The following SRGAP2 variants were observed in gnomAD, a reference collection of about 807,000 sequenced individuals.
SRGAP2 encodes the protein SLIT-ROBO Rho GTPase activating protein 2.
SRGAP2 carries 15 observed loss-of-function variants against 57.2 expected under a neutral mutation model. The observed-to-expected ratio is 0.26, with a 90% confidence interval of 0.18 to 0.40. The LOEUF is 0.40. Ranked by LOEUF, SRGAP2 falls within the 10% of genes least tolerant of loss-of-function variation. The probability of loss-of-function intolerance (pLI) is 1.00; values close to 1 mark genes in which losing one functional copy is unlikely to be tolerated. For missense variants in SRGAP2, 520 were observed against 669.6 expected (o/e 0.78, Z 2.47); for synonymous variants, 249 against 248.0 (o/e 1.00, Z -0.04).
chr1:206,305,225 C>T (rs1364230102), intron 3 of SRGAP2, among the ~76,000 whole-genome samples: 2 of 136,524 alleles, frequency 1.5e-5, no homozygotes, highest in African/African-American at 6.1e-5. Context: ...AATGCTGTTC[C>T]ATTCACAAAG....
intron 4 of SRGAP2, among the ~76,000 whole-genome samples, chr1:206,355,973 T>A (rs1260867663): frequency 1.4e-4 from 21 of 149,532 alleles, no homozygotes; most frequent in Admixed American, 8.7e-4. Context: ...ACTCAAAAAA[T>A]AAATAAATAA....
intron 3 of SRGAP2, among the ~76,000 whole-genome samples, chr1:206,322,445 T>C (rs1228374679): frequency 2.2e-4 from 33 of 151,602 alleles, no homozygotes; most frequent in Non-Finnish European, 4.6e-4. Flanking sequence ...CCGGGCGTGG[T>C]GGCAGGCGCC....
chr1:206,347,528 G>T (rs1675727766), intron 4 of SRGAP2, among the ~76,000 whole-genome samples: 1 of 150,350 alleles, frequency 6.7e-6, no homozygotes, highest in South Asian at 2.1e-4. Context: ...AGTGAGCAGA[G>T]ATCATGCTGT....
At chr1:206,426,861 A>T (rs1553366515) in intron 13 of SRGAP2, among the ~76,000 whole-genome samples, 1 of 152,162 alleles carries the variant, frequency 6.6e-6, no homozygotes, top group Non-Finnish European at 1.5e-5. Flanking sequence ...TATTCTAGTT[A>T]TTAATCCCTT....
Position 206,440,027 on chromosome 1 carries a change from T to C in SRGAP2, c.1820T>C (p.Val607Ala). 2 of 780,926 alleles carry C rather than the reference T, an allele frequency of 2.6e-6. No homozygotes were observed. Among genetic ancestry groups the C allele is most frequent in the Admixed American group, 1.7e-5 (1 of 59,040 alleles). The allele number at this position is 780,926 out of a possible 1,614,324, so 48.4% of individuals were successfully genotyped here. A position where few individuals can be genotyped will look rare whatever the true frequency, so the allele number is the denominator to read the frequency against. The change falls in exon 17 of 23, where the codon GTC becomes GCC. Residue 607 changes from valine (V) to alanine (A), a missense_variant. Around this residue, in one of 5 missense-constraint regions of SRGAP2, gnomAD observed 478 missense variants for 373.6 expected, o/e 1.28. Coordinates refer to ENST00000573034, the MANE Select transcript of SRGAP2 (RefSeq NM_015326.5). ...CTGCACATCCGGAAAGTCCTCCTAG[T>C]CCTGCCCAAAACCACTCTGATTATC... is the stretch of plus-strand genomic sequence containing the variant. ...RALHIRKVLL[V>A]LPKTTLIIMR...
At position 206,392,260 on chromosome 1, in the gene SRGAP2, T is replaced by A. The variant is rs1382751061; in HGVS notation, c.487-429T>A. Among the ~76,000 whole-genome samples, 12 of 104,914 alleles carry A rather than the reference T, an allele frequency of 1.1e-4. No homozygotes were observed. The Admixed American group carries it at 1.3e-3, about 11-fold the overall frequency. The allele number at this position is 104,914 out of a possible 152,430, so 68.8% of individuals were successfully genotyped here. A position where few individuals can be genotyped will look rare whatever the true frequency, so the allele number is the denominator to read the frequency against. Reference sequence around the variant, plus strand: ...GTAACAGAAAGCATAGGCTACTCCATAGGCTGCACTGCCCTCTTCGGGGTT... The same window carrying A: ...GTAACAGAAAGCATAGGCTACTCCAAAGGCTGCACTGCCCTCTTCGGGGTT... On this transcript the variant is annotated intron_variant, in intron 5 of 22. Transcript: ENST00000573034.
chr1:206,418,888 C>CTCTGTG lies in SRGAP2; in HGVS notation c.1442-484_1442-483insCTGTGT, dbSNP rs1553363092. Reference sequence around the variant, plus strand: ...TTGTTCTCTCAGCCTCCAACTCTCTCTGTGTGTGTGTGTGTGTGTGTGTGT... The same window carrying CTCTGTG: ...TTGTTCTCTCAGCCTCCAACTCTCTCTCTGTGTGTGTGTGTGTGTGTGTGTGTGTGT... On this transcript the variant is annotated intron_variant, in intron 11 of 22. Coordinates refer to ENST00000573034, the MANE Select transcript of SRGAP2 (RefSeq NM_015326.5). 7.8e-3 allele frequency among the ~76,000 whole-genome samples: 1,064 copies of CTCTGTG among 136,602 alleles called. 5 individuals carry two copies. Among genetic ancestry groups the CTCTGTG allele is most frequent in the Non-Finnish European group, 9.1e-3 (576 of 63,334 alleles). 89.6% of individuals were successfully genotyped at this position (136,602 alleles called of 152,430 possible).
At chr1:206,314,289 G>A (rs1181032185) in intron 3 of SRGAP2, among the ~76,000 whole-genome samples, 4 of 151,840 alleles carry the variant, frequency 2.6e-5, no homozygotes, top group Admixed American at 1.3e-4. Context: ...CATGCGCCAC[G>A]ACGCCAGGCT....
intron 2 of SRGAP2, 71 bp downstream of exon 2, chr1:206,206,108 T>C (rs1665891604): frequency 1.2e-6 from 1 of 812,354 alleles, no homozygotes; most frequent in Non-Finnish European, 1.9e-6. Flanking sequence ...CCACCGTGAT[T>C]TGCAGGTTGT....
chr1:206,425,546 GT>G (rs1312245100), intron 13 of SRGAP2, among the ~76,000 whole-genome samples: 4 of 151,174 alleles, frequency 2.6e-5, no homozygotes, highest in Admixed American at 1.3e-4. Context: ...GTTTTGTTTT[GT>G]TTTTTGAGAC....
chr1:206,417,103 C>CTTT (rs546280000), intron 11 of SRGAP2, among the ~76,000 whole-genome samples: 14 of 133,770 alleles, frequency 1.0e-4, no homozygotes, highest in Non-Finnish European at 1.6e-4. Context: ...CTAATGACTT[C>CTTT]TTTTTTTTTT....
intron 2 of SRGAP2, among the ~76,000 whole-genome samples, chr1:206,253,892 G>GCAAGCC (rs1669017183): frequency 6.8e-6 from 1 of 148,074 alleles, no homozygotes; most frequent in Non-Finnish European, 1.5e-5. Context: ...ATTTTCAAGA[G>GCAAGCC]CAAGCCCTTT....
In SRGAP2 at chr1:206,397,409, G is replaced by A. The variant is rs554992593; in HGVS notation, c.831+3736G>A. On this transcript the variant is annotated intron_variant, in intron 7 of 22. Transcript: ENST00000573034. ...TTTAAGACATGGGATGAATCCTGTT[G>A]CAGTCCATTGCCATCTGTGTCATGT... Among the ~76,000 whole-genome samples, 906 of 152,120 alleles carry A rather than the reference G, an allele frequency of 6.0e-3. 11 individuals carry two copies. Among genetic ancestry groups the A allele is most frequent in the African/African-American group, 0.021 (870 of 41,428 alleles).
At chr1:206,220,048 CGT>C (rs1553304257) in intron 2 of SRGAP2, among the ~76,000 whole-genome samples, 1 of 138,708 alleles carries the variant, frequency 7.2e-6, no homozygotes, top group Non-Finnish European at 1.5e-5. Flanking sequence ...CCTTCTCTTG[CGT>C]TAAATCTCCT....
intron 10 of SRGAP2, among the ~76,000 whole-genome samples, chr1:206,414,315 G>T (rs1659487797): frequency 6.6e-6 from 1 of 152,072 alleles, no homozygotes; most frequent in Admixed American, 6.6e-5. Context: ...GGGATTATAG[G>T]CCTGAGCCAC....
intron 3 of SRGAP2, among the ~76,000 whole-genome samples, chr1:206,322,574 C>T (rs1271028081): frequency 9.2e-6 from 1 of 109,196 alleles, no homozygotes; most frequent in Non-Finnish European, 1.8e-5. Context: ...ACCGAGACTC[C>T]ATATCAAAAA....
At position 206,454,483 on chromosome 1, in the gene SRGAP2, T is replaced by A; in HGVS notation, c.2361-395T>A. ...TCCAGAGCCACCACACAGTTGACTG[T>A]CCTTACCCGGCAGTGCTCAGGACCT... On this transcript the variant is annotated intron_variant, in intron 20 of 22. Coordinates refer to ENST00000573034, the MANE Select transcript of SRGAP2 (RefSeq NM_015326.5). The surrounding 1 kb of genome is among the most constrained non-coding windows in gnomAD (Gnocchi z 4.3). 1 of 458,476 alleles carries A rather than the reference T, an allele frequency of 2.2e-6. No homozygotes were observed. The highest frequency in any genetic ancestry group is 3.9e-6 in the Non-Finnish European group (1 of 258,140). 28.4% of individuals were successfully genotyped at this position (458,476 alleles called of 1,614,324 possible).
At chr1:206,306,949 G>T (rs1339245772) in intron 3 of SRGAP2, among the ~76,000 whole-genome samples, 4 of 151,444 alleles carry the variant, frequency 2.6e-5, no homozygotes, top group Non-Finnish European at 2.9e-5. Context: ...ACAGAGTGTC[G>T]ATTGGTGCAC....
At chr1:206,334,953 G>C (rs1432879686) in intron 3 of SRGAP2, among the ~76,000 whole-genome samples, 2 of 150,822 alleles carry the variant, frequency 1.3e-5, no homozygotes, top group African/African-American at 2.5e-5. Flanking sequence ...TATAATTGTA[G>C]AGTTGTTCAC....
Sources: allele counts gnomAD v4.1 joint callset (sites outside exome capture counted in the v4.1 genomes callset), GRCh38; gene constraint gnomAD v4.1.1; regional missense constraint gnomAD v4.1.1; non-coding constraint Gnocchi (gnomAD v3.1); transcripts MANE v1.5; gene names NCBI Gene and HGNC (gene_info 2026-07-23, HGNC 2026-07-21).